Variants in RPS6KC1 observed in about 807,000 individuals in gnomAD.
The protein encoded by RPS6KC1 is ribosomal protein S6 kinase C1, also known as inactive ribosomal protein S6 kinase delta-1.
Under a neutral mutation model 103.8 loss-of-function variants are expected in RPS6KC1, and 54 were observed. The ratio of observed to expected loss-of-function variants is 0.52; its 90% confidence interval spans 0.42 to 0.65. RPS6KC1 has a LOEUF of 0.65. RPS6KC1 is among the 30% of genes least tolerant of loss of function. The pLI, the probability that RPS6KC1 is intolerant of heterozygous loss-of-function variation, is 0.00. For missense variants in RPS6KC1, 1,151 were observed against 1,253.8 expected, an observed-to-expected ratio of 0.92 and a Z score of 1.24; for synonymous variants, 439 against 438.7, an observed-to-expected ratio of 1.00 and a Z score of -0.01.
the RPS6KC1 span, among the ~76,000 whole-genome samples, chr1:213,677,641 G>GT: frequency 6.6e-6 from 1 of 152,198 alleles, no homozygotes; most frequent in Non-Finnish European, 1.5e-5. Context: ...GGCATTGTAT[G>GT]TGGGGGGAGA....
the RPS6KC1 span, among the ~76,000 whole-genome samples, chr1:213,356,219 G>A: frequency 2.6e-5 from 4 of 152,220 alleles, no homozygotes; most frequent in African/African-American, 4.8e-5. Flanking sequence ...TTTCTAGGAA[G>A]AGTAATTACA....
At chr1:213,344,752 T>G in the RPS6KC1 span, among the ~76,000 whole-genome samples, 1 of 152,110 alleles carries the variant, frequency 6.6e-6, no homozygotes, top group African/African-American at 2.4e-5. Context: ...CCAGACTGGT[T>G]TTGAACTCCG....
the RPS6KC1 span, among the ~76,000 whole-genome samples, chr1:213,609,276 A>G: frequency 6.6e-6 from 1 of 152,238 alleles, no homozygotes; most frequent in Non-Finnish European, 1.5e-5. Flanking sequence ...TCAGGTTCAA[A>G]TGAAGCACTC....
At chr1:213,295,492 C>T in the RPS6KC1 span, among the ~76,000 whole-genome samples, 1 of 152,154 alleles carries the variant, frequency 6.6e-6, no homozygotes, top group African/African-American at 2.4e-5. Context: ...TTTTTGTATC[C>T]ATCATGGTCA....
chr1:213,135,982 C>G (rs917358212), intron 6 of RPS6KC1, among the ~76,000 whole-genome samples: 2 of 152,164 alleles, frequency 1.3e-5, no homozygotes, highest in Non-Finnish European at 2.9e-5. Flanking sequence ...GTAACCAACT[C>G]AAAGAGGCTC....
At chr1:213,331,950 T>A in the RPS6KC1 span, among the ~76,000 whole-genome samples, 1 of 152,006 alleles carries the variant, frequency 6.6e-6, no homozygotes, top group Admixed American at 6.5e-5. Flanking sequence ...TTCTGCTGTA[T>A]TTTTCCTGTG....
chr1:213,205,681 A>C (rs1378643205), intron 8 of RPS6KC1, among the ~76,000 whole-genome samples: 1 of 150,810 alleles, frequency 6.6e-6, no homozygotes, highest in Non-Finnish European at 1.5e-5. Flanking sequence ...TTTGAAAATA[A>C]GATGCAACCA....
chr1:213,141,159 A>C (rs904319925), intron 6 of RPS6KC1, among the ~76,000 whole-genome samples: 1 of 152,048 alleles, frequency 6.6e-6, no homozygotes, highest in Non-Finnish European at 1.5e-5. Context: ...AGCCTCCCAA[A>C]GTGTTGGGAT....
chr1:213,276,836 A>G (rs754826435), downstream of RPS6KC1, among the ~76,000 whole-genome samples: 17 of 152,198 alleles, frequency 1.1e-4, no homozygotes, highest in Non-Finnish European at 1.9e-4. Context: ...ATAGCAGTAC[A>G]TAAAGGTGAA....
At chr1:213,664,407 A>C in the RPS6KC1 span, among the ~76,000 whole-genome samples, 1 of 152,194 alleles carries the variant, frequency 6.6e-6, no homozygotes, top group East Asian at 1.9e-4. Context: ...CACTGGTCAC[A>C]TGTCCATGAA....
At chr1:213,578,101 A>T in the RPS6KC1 span, among the ~76,000 whole-genome samples, 15 of 152,344 alleles carry the variant, frequency 9.8e-5, no homozygotes, top group South Asian at 2.9e-3. Flanking sequence ...CCTGTGTCCC[A>T]GCCATGGCTA....
the RPS6KC1 span, among the ~76,000 whole-genome samples, chr1:213,556,248 G>A: frequency 6.6e-6 from 1 of 152,142 alleles, no homozygotes; most frequent in East Asian, 1.9e-4. Context: ...GGAATTGGAA[G>A]GGGAGGCAGA....
At chr1:213,114,800 A>G (rs1211084843) in intron 4 of RPS6KC1, among the ~76,000 whole-genome samples, 4 of 152,152 alleles carry the variant, frequency 2.6e-5, no homozygotes, top group Admixed American at 6.5e-5. Context: ...TTCTGCATCT[A>G]TTGAGATAAT....
the RPS6KC1 span, among the ~76,000 whole-genome samples, chr1:213,761,979 T>A: frequency 6.7e-6 from 1 of 150,210 alleles, no homozygotes. Flanking sequence ...ATTGTTAGAG[T>A]CATGAGGATG....
At chr1:213,705,899 A>T in the RPS6KC1 span, among the ~76,000 whole-genome samples, 1 of 152,154 alleles carries the variant, frequency 6.6e-6, no homozygotes, top group Admixed American at 6.5e-5. Context: ...TACAGCCTAG[A>T]AAAAGGGCTT....
At chr1:213,568,959 C>G in the RPS6KC1 span, among the ~76,000 whole-genome samples, 6 of 152,214 alleles carry the variant, frequency 3.9e-5, no homozygotes, top group African/African-American at 1.4e-4. Context: ...ACTGTTGCAG[C>G]AGCACCATCA....
chr1:213,681,044 G>T, the RPS6KC1 span, among the ~76,000 whole-genome samples: 1 of 152,202 alleles, frequency 6.6e-6, no homozygotes, highest in Non-Finnish European at 1.5e-5. Flanking sequence ...GGATGGCAAT[G>T]GCCTTCTGTG....
the RPS6KC1 span, among the ~76,000 whole-genome samples, chr1:213,363,749 C>CTTTCCTTCTT: frequency 3.3e-5 from 2 of 60,718 alleles, no homozygotes; most frequent in African/African-American, 2.0e-4. Flanking sequence ...TCTCTTCTTT[C>CTTTCCTTCTT]TCTTTCTCTC....
the RPS6KC1 span, among the ~76,000 whole-genome samples, chr1:213,680,658 C>A: frequency 2.6e-5 from 4 of 151,900 alleles, no homozygotes; most frequent in African/African-American, 9.7e-5. Flanking sequence ...ATTCTTGGGG[C>A]TCGGGAGGGG....
Sources: gnomAD v4.1 joint callset for allele counts (sites outside exome capture counted in the v4.1 genomes callset) on GRCh38, gnomAD v4.1.1 for gene constraint, MANE v1.5 for transcripts, NCBI Gene and HGNC (gene_info 2026-07-23, HGNC 2026-07-21) for gene names.